Variants in PIP observed in about 807,000 individuals in gnomAD.
PIP encodes prolactin induced protein.
A neutral mutation model predicts 12.8 loss-of-function variants in PIP; 9 were observed. That is an observed-to-expected ratio of 0.70 (90% CI 0.42 to 1.23). The LOEUF (loss-of-function observed/expected upper bound fraction) is 1.23. Among genes scored for constraint, PIP ranks in the 50% most tolerant of loss-of-function variants. The pLI is 0.00. For missense variants in PIP, 172 were observed against 179.5 expected, an observed-to-expected ratio of 0.96 and a Z score of 0.24; for synonymous variants, 60 against 66.1, an observed-to-expected ratio of 0.91 and a Z score of 0.45.
chr7:143,137,653 A>G (rs1266799137), intron 2 of PIP, among the ~76,000 whole-genome samples: 1 of 152,094 alleles, frequency 6.6e-6, no homozygotes, highest in Admixed American at 6.5e-5. Context: ...TAATCCCAGC[A>G]CTTTGGGAGG....
chr7:143,136,063 A>G (rs1309380352), intron 2 of PIP, among the ~76,000 whole-genome samples: 1 of 152,096 alleles, frequency 6.6e-6, no homozygotes, highest in East Asian at 1.9e-4. Flanking sequence ...GCTTGGGATT[A>G]GAGCATTATC....
At chr7:143,134,218 ATATATATATATAT>A (rs1563015829) in intron 1 of PIP, among the ~76,000 whole-genome samples, 4 of 114,296 alleles carry the variant, frequency 3.5e-5, no homozygotes, top group Non-Finnish European at 5.6e-5. Context: ...ATATATATAT[ATATATATATATAT>A]ATACCACAGT....
chr7:143,139,053 C>A, intron 2 of PIP, 22 bp from the exon 3 acceptor site: 1 of 1,140,908 alleles, frequency 8.8e-7, no homozygotes, highest in Non-Finnish European at 1.3e-6. Context: ...ATGAATTCCC[C>A]CTCCCACCTT....
chr7:143,135,688 GGT>G (rs1184582742), intron 2 of PIP, among the ~76,000 whole-genome samples: 1 of 152,016 alleles, frequency 6.6e-6, no homozygotes, highest in Non-Finnish European at 1.5e-5. Flanking sequence ...CATAGGTTGA[GGT>G]GGGTGGGCAG....
Position 143,139,375 on chromosome 7 carries a change from G to C in PIP, c.317-143G>C, listed in dbSNP as rs973133785. 1.6e-5 allele frequency: 17 copies of C among 1,034,270 alleles called. 2 individuals carry two copies. Among genetic ancestry groups the C allele is most frequent in the Middle Eastern group, 2.3e-4 (1 of 4,418 alleles). The allele number at this position is 1,034,270 out of a possible 1,614,324, so 64.1% of individuals were successfully genotyped here. A position where few individuals can be genotyped will look rare whatever the true frequency, so the allele number is the denominator to read the frequency against. On this transcript the variant is annotated intron_variant, in intron 3 of 3. Transcript: ENST00000291009. ...ACCCAGGTTCTAAGACAGAGGCATT[G>C]AGTGCAAAAAGTTGATACAGGAGAC...
rs1159522558 is a variant in PIP, at chr7:143,139,680, C to T, written c.*38C>T. On this transcript the variant is annotated 3_prime_UTR_variant, in exon 4 of 4. Coordinates refer to ENST00000291009, the MANE Select transcript of PIP (RefSeq NM_002652.3). Reference sequence around the variant, plus strand: ...CTGTTTGCCACACCCAGGTGATTTCCTCTAAAGAAACTTGGCTGGAATTTC... The same window carrying T: ...CTGTTTGCCACACCCAGGTGATTTCTTCTAAAGAAACTTGGCTGGAATTTC... 2 of 1,574,894 alleles carry T rather than the reference C, an allele frequency of 1.3e-6. No individual in the cohort carries two copies. Among genetic ancestry groups the T allele is most frequent in the Non-Finnish European group, 1.7e-6 (2 of 1,150,522 alleles).
intron 1 of PIP, 141 bp downstream of exon 1, chr7:143,132,352 C>G: frequency 1.1e-6 from 1 of 932,620 alleles, no homozygotes; most frequent in Non-Finnish European, 1.6e-6. Context: ...GATCTCCTGC[C>G]AGGTTCCACT....
chr7:143,135,394 C>A, intron 2 of PIP, 95 bp downstream of exon 2: 1 of 574,044 alleles, frequency 1.7e-6, no homozygotes, highest in Non-Finnish European at 3.2e-6. Flanking sequence ...GTACAGTGTA[C>A]TTAATGAAAC....
intron 1 of PIP, among the ~76,000 whole-genome samples, chr7:143,134,065 G>A (rs1047597943): frequency 6.6e-6 from 1 of 150,586 alleles, no homozygotes; most frequent in African/African-American, 2.4e-5. Flanking sequence ...GAGAACATAC[G>A]ATGTTTGGTT....
chr7:143,133,997 G>A lies in PIP; in HGVS notation c.96-1197G>A, dbSNP rs183213993. 3.1e-3 allele frequency among the ~76,000 whole-genome samples: 468 copies of A among 150,884 alleles called. 4 individuals carry two copies. Among genetic ancestry groups the A allele is most frequent in the Non-Finnish European group, 5.6e-3 (379 of 67,662 alleles). ...CCACTCTTCCCCGCAAGTCCCCAAA[G>A]TCCATTGTATCATTCTTATGCTTTT... is the stretch of plus-strand genomic sequence containing the variant. On this transcript the variant is annotated intron_variant, in intron 1 of 3. Coordinates refer to ENST00000291009, the MANE Select transcript of PIP (RefSeq NM_002652.3).
intron 2 of PIP, among the ~76,000 whole-genome samples, chr7:143,137,338 T>C (rs1799319228): frequency 6.6e-6 from 1 of 152,126 alleles, no homozygotes; most frequent in South Asian, 2.1e-4. Flanking sequence ...AAAAATAAAT[T>C]TGTGATGCAG....
At position 143,132,128 on chromosome 7, in the gene PIP, C is replaced by T; in HGVS notation, c.12C>T (p.Leu4=). Reference sequence around the variant, plus strand: ...CTGTTTTCTCCAGCATGCGCTTGCTCCAGCTCCTGTTCAGGGCCAGCCCTG... The same window carrying T: ...CTGTTTTCTCCAGCATGCGCTTGCTTCAGCTCCTGTTCAGGGCCAGCCCTG... MRL[L]QLLFRASPAT... is the part of the protein sequence containing the mutation. Residue 4 remains leucine (L), a synonymous_variant, in exon 1 of 4, where the codon CTC becomes CTT. Transcript: ENST00000291009. 1.9e-6 allele frequency: 3 copies of T among 1,612,676 alleles called. No homozygotes were observed. Among genetic ancestry groups the T allele is most frequent in the Non-Finnish European group, 2.5e-6 (3 of 1,178,736 alleles).
chr7:143,132,345 CTCCTGCCAGGT>C, intron 1 of PIP, 134 bp downstream of exon 1: 1 of 993,382 alleles, frequency 1.0e-6, no homozygotes, highest in Non-Finnish European at 1.5e-6. Context: ...TCCCATGGAT[CTCCTGCCAGGT>C]TCCACTTCTT....
rs1018354631 is a variant in PIP at position 143,137,356 on chromosome 7, T to C, written c.202-1719T>C. ...AATAAATTTGTGATGCAGTAAGGTA[T>C]GTGTTTCTTTATGCACACATTAGCT... On this transcript the variant is annotated intron_variant, in intron 2 of 3. Transcript: ENST00000291009. Among the ~76,000 whole-genome samples, 10 of 152,282 alleles carry C rather than the reference T, an allele frequency of 6.6e-5. No homozygotes were observed. In the East Asian group the frequency reaches 1.3e-3, roughly 21 times the overall value.
rs781160658 is a variant in PIP, at chr7:143,135,307, G to A, written c.201+8G>A. ...TTGAAAGAATGCATGGTGGTAAGTA[G>A]AGGACTGGGGGCGTGACTTCAAAAG... On this transcript the variant is annotated splice_region_variant and intron_variant, in intron 2 of 3. Transcript: ENST00000291009. The A allele has an allele frequency of 1.5e-6, 2 of 1,349,532 alleles. No homozygotes were observed. The highest frequency in any genetic ancestry group is 1.1e-6 in the Non-Finnish European group (1 of 939,938). The allele number at this position is 1,349,532 out of a possible 1,614,324, so 83.6% of individuals were successfully genotyped here. A position where few individuals can be genotyped will look rare whatever the true frequency, so the allele number is the denominator to read the frequency against.
At chr7:143,136,517 C>T (rs946865283) in intron 2 of PIP, among the ~76,000 whole-genome samples, 10 of 152,052 alleles carry the variant, frequency 6.6e-5, no homozygotes, top group Admixed American at 1.3e-4. Flanking sequence ...GTCCAAGAAT[C>T]TGAGACATGT....
At position 143,132,123 on chromosome 7, in the gene PIP, T is replaced by C. The variant is rs374560886; in HGVS notation, c.7T>C (p.Leu3=). Residue 3 remains leucine, a synonymous_variant, in exon 1 of 4, where the codon TTG becomes CTG. Transcript: ENST00000291009. ...GCCTTCTGTTTTCTCCAGCATGCGC[T>C]TGCTCCAGCTCCTGTTCAGGGCCAG... MR[L]LQLLFRASPA... 6 of 1,612,588 alleles carry C rather than the reference T, an allele frequency of 3.7e-6. No individual in the cohort carries two copies. In the African/African-American group the frequency reaches 8.0e-5, roughly 22 times the overall value.
intron 2 of PIP, among the ~76,000 whole-genome samples, chr7:143,137,642 G>A (rs1799323396): frequency 1.3e-5 from 2 of 152,102 alleles, no homozygotes; most frequent in Admixed American, 1.3e-4. Context: ...GCTTGTGCCT[G>A]TAATCCCAGC....
At position 143,139,109 on chromosome 7, in the gene PIP, A is replaced by G. The variant is rs372423977; in HGVS notation, c.236A>G (p.Gln79Arg). 1 of 1,599,250 alleles carries G rather than the reference A, an allele frequency of 6.3e-7. No homozygotes were observed. The highest frequency in any genetic ancestry group is 8.6e-7 in the Non-Finnish European group (1 of 1,166,306). ...TACCTCATTAGCAGCATCCCTCTAC[A>G]AGGTGCATTTAACTATAAGTATACT... Reference protein sequence around the residue: ...KTYLISSIPLQGAFNYKYTAC... With the variant: ...KTYLISSIPLRGAFNYKYTAC... Residue 79 changes from glutamine to arginine, a missense_variant, in exon 3 of 4, where the codon CAA becomes CGA. Gln to Arg is a conservative substitution (Grantham distance 43, BLOSUM62 1). Coordinates refer to ENST00000291009, the MANE Select transcript of PIP (RefSeq NM_002652.3).
Sources: gnomAD v4.1 joint callset for allele counts (sites outside exome capture counted in the v4.1 genomes callset) on GRCh38, gnomAD v4.1.1 for gene constraint, MANE v1.5 for transcripts, NCBI Gene and HGNC (gene_info 2026-07-23, HGNC 2026-07-21) for gene names.